The following WDFY2 variants were observed in gnomAD, a reference collection of about 807,000 sequenced individuals.
WDFY2 encodes WD repeat and FYVE domain containing 2, also known as WD repeat and FYVE domain-containing protein 2.
Under a neutral mutation model 56.4 loss-of-function variants are expected in WDFY2, and 36 were observed. The ratio of observed to expected loss-of-function variants is 0.64; its 90% CI spans 0.49 to 0.84. The LOEUF (loss-of-function observed/expected upper bound fraction) is 0.84. Among genes scored for constraint, WDFY2 ranks in the 40% least tolerant of loss-of-function variants. The pLI is 0.00. For synonymous variants in WDFY2, 176 were observed against 183.7 expected, an observed-to-expected ratio of 0.96 and a Z score of 0.34; for missense variants, 444 against 512.2, an observed-to-expected ratio of 0.87 and a Z score of 1.29.
At chr13:51,624,396 T>C (rs1954801841) in intron 1 of WDFY2, among the ~76,000 whole-genome samples, 1 of 152,228 alleles carries the variant, frequency 6.6e-6, no homozygotes, top group African/African-American at 2.4e-5. Context: ...GTCTTGTGTG[T>C]TGAGTTCTTG....
At chr13:51,619,722 C>G (rs1433744601) in intron 1 of WDFY2, among the ~76,000 whole-genome samples, 1 of 152,138 alleles carries the variant, frequency 6.6e-6, no homozygotes, top group African/African-American at 2.4e-5. Context: ...TCCCCAGAAC[C>G]AGAATAGGTT....
chr13:51,596,191 C>A (rs763724350), intron 1 of WDFY2, among the ~76,000 whole-genome samples: 1 of 152,120 alleles, frequency 6.6e-6, no homozygotes, highest in Non-Finnish European at 1.5e-5. Flanking sequence ...ATAATTAATT[C>A]TCTTTACATG....
chr13:51,723,884 C>T (rs1441357133), intron 5 of WDFY2, among the ~76,000 whole-genome samples: 3 of 152,118 alleles, frequency 2.0e-5, no homozygotes, highest in Non-Finnish European at 4.4e-5. Context: ...CATATTTTTC[C>T]CATGTATTTG....
intron 2 of WDFY2, among the ~76,000 whole-genome samples, chr13:51,670,534 C>CAG: frequency 1.4e-5 from 2 of 140,110 alleles, no homozygotes; most frequent in African/African-American, 5.4e-5. Context: ...CACACACACA[C>CAG]ACAGATGTTT....
intron 6 of WDFY2, among the ~76,000 whole-genome samples, chr13:51,736,129 T>C (rs1048712425): frequency 2.6e-5 from 4 of 152,192 alleles, no homozygotes; most frequent in African/African-American, 9.7e-5. Flanking sequence ...AGAGATTGTA[T>C]AGATGAGGTC....
intron 1 of WDFY2, among the ~76,000 whole-genome samples, chr13:51,640,842 G>A (rs1370026026): frequency 6.6e-6 from 1 of 150,468 alleles, no homozygotes; most frequent in Non-Finnish European, 1.5e-5. Flanking sequence ...AAGATTTATC[G>A]AATCATTTAA....
At chr13:51,671,745 T>A (rs1243115015) in intron 2 of WDFY2, among the ~76,000 whole-genome samples, 1 of 150,598 alleles carries the variant, frequency 6.6e-6, no homozygotes, top group Non-Finnish European at 1.5e-5. Flanking sequence ...TAATTGAGTC[T>A]CATCTATTTA....
At chr13:51,584,888 G>A in intron 1 of WDFY2, 64 bp downstream of exon 1, 1 of 1,595,554 alleles carries the variant, frequency 6.3e-7, no homozygotes, top group East Asian at 2.3e-5. Context: ...TCGAGCCCGC[G>A]TCAGGGGCTG....
intron 2 of WDFY2, among the ~76,000 whole-genome samples, chr13:51,667,171 A>G (rs1241991064): frequency 6.6e-6 from 1 of 152,216 alleles, no homozygotes; most frequent in Non-Finnish European, 1.5e-5. Context: ...GTTTAACAAT[A>G]TTACTGTCAT....
chr13:51,690,754 C>A (rs1456863339), intron 3 of WDFY2, among the ~76,000 whole-genome samples: 2 of 152,122 alleles, frequency 1.3e-5, no homozygotes, highest in Non-Finnish European at 2.9e-5. Context: ...AGTTCTAGAT[C>A]CCTGAGGAAT....
intron 1 of WDFY2, among the ~76,000 whole-genome samples, chr13:51,625,789 G>A (rs571809200): frequency 4.6e-5 from 7 of 152,228 alleles, no homozygotes; most frequent in Non-Finnish European, 8.8e-5. Context: ...GAATGCTGAC[G>A]GGGCAAGGAT....
At chr13:51,658,160 A>T (rs1385092051) in intron 1 of WDFY2, among the ~76,000 whole-genome samples, 1 of 152,136 alleles carries the variant, frequency 6.6e-6, no homozygotes, top group African/African-American at 2.4e-5. Flanking sequence ...GTAGTTATCC[A>T]TTTGTTTAGT....
intron 1 of WDFY2, among the ~76,000 whole-genome samples, chr13:51,606,553 C>G (rs950245094): frequency 6.6e-6 from 1 of 152,092 alleles, no homozygotes; most frequent in Non-Finnish European, 1.5e-5. Flanking sequence ...CACAATGAAA[C>G]TGGCATTTGA....
chr13:51,594,494 T>C lies in WDFY2; in HGVS notation c.137+9670T>C, dbSNP rs151255162. Among the ~76,000 whole-genome samples, 571 of 152,340 alleles carry C rather than the reference T, an allele frequency of 3.7e-3. 4 individuals are homozygous for C. Among genetic ancestry groups the C allele is most frequent in the African/African-American group, 0.012 (502 of 41,582 alleles). The stretch of plus-strand genomic sequence containing the variant: ...TTGTGAAACGACTTTTATCACAAAT[T>C]TCAGTTCTCATAATCAGCAGGGCCT... On this transcript the variant is annotated intron_variant, in intron 1 of 11. Coordinates refer to ENST00000298125, the MANE Select transcript of WDFY2 (RefSeq NM_052950.4).
chr13:51,695,233 G>A lies in WDFY2; in HGVS notation c.280-8363G>A, dbSNP rs1012949244. ...TGTTCCGTTGCTGGTGAGGAGCTGC[G>A]TTCCTTTGGAGGAGGAGAGGCGCTC... On this transcript the variant is annotated intron_variant, in intron 3 of 11. Coordinates refer to ENST00000298125, the MANE Select transcript of WDFY2 (RefSeq NM_052950.4). Among the ~76,000 whole-genome samples the A allele has an allele frequency of 3.3e-4, 51 of 152,308 alleles. 1 individual carries two copies. Among genetic ancestry groups the A allele is most frequent in the East Asian group, 1.9e-3 (10 of 5,186 alleles).
At chr13:51,664,730 A>C (rs1303864516) in intron 2 of WDFY2, among the ~76,000 whole-genome samples, 1 of 151,562 alleles carries the variant, frequency 6.6e-6, no homozygotes, top group Non-Finnish European at 1.5e-5. Flanking sequence ...CCTAATTCCT[A>C]CTCTTTCAGT....
At chr13:51,714,797 C>T (rs998236945) in intron 4 of WDFY2, among the ~76,000 whole-genome samples, 3 of 152,108 alleles carry the variant, frequency 2.0e-5, no homozygotes, top group Non-Finnish European at 2.9e-5. Context: ...CATTGTTAGG[C>T]GATTTCAGTG....
At chr13:51,651,824 G>A (rs1220861922) in intron 1 of WDFY2, among the ~76,000 whole-genome samples, 1 of 152,186 alleles carries the variant, frequency 6.6e-6, no homozygotes, top group Non-Finnish European at 1.5e-5. Flanking sequence ...TTCCAACTAT[G>A]TGGTCAGTTT....
intron 3 of WDFY2, among the ~76,000 whole-genome samples, chr13:51,675,692 G>T (rs1593402173): frequency 6.6e-6 from 1 of 152,022 alleles, no homozygotes; most frequent in African/African-American, 2.4e-5. Context: ...TCTGCTTCTT[G>T]TTTTTTCCAG....
Sources: allele counts gnomAD v4.1 joint callset (sites outside exome capture counted in the v4.1 genomes callset), GRCh38; gene constraint gnomAD v4.1.1; transcripts MANE v1.5; gene names NCBI Gene and HGNC (gene_info 2026-07-23, HGNC 2026-07-21).